The following TMEM135 variants were observed in gnomAD, a reference collection of about 807,000 sequenced individuals.
The protein encoded by TMEM135 is transmembrane protein 135.
In TMEM135, 30 loss-of-function variants were observed where a neutral mutation model predicts 60.3. That is an observed-to-expected ratio of 0.50 (90% confidence interval 0.37 to 0.68). The LOEUF is 0.68. Among genes scored for constraint, TMEM135 ranks in the 30% least tolerant of loss-of-function variants. The pLI is 0.00. For missense variants in TMEM135, 468 were observed against 548.8 expected, an observed-to-expected ratio of 0.85 and a Z score of 1.47; for synonymous variants, 190 against 186.7, an observed-to-expected ratio of 1.02 and a Z score of -0.14.
At chr11:87,171,447 G>T (rs1016283984) in intron 5 of TMEM135, among the ~76,000 whole-genome samples, 1 of 151,970 alleles carries the variant, frequency 6.6e-6, no homozygotes, top group Non-Finnish European at 1.5e-5. Context: ...CCCAACTGGA[G>T]TAGCCAGTGT....
chr11:87,142,258 A>G (rs1591051431), intron 4 of TMEM135, among the ~76,000 whole-genome samples: 1 of 152,260 alleles, frequency 6.6e-6, no homozygotes, highest in African/African-American at 2.4e-5. Context: ...CTAGGGGTGC[A>G]GCTGAAGCTA....
intron 5 of TMEM135, among the ~76,000 whole-genome samples, chr11:87,215,278 T>A (rs1020118637): frequency 6.6e-6 from 1 of 152,214 alleles, no homozygotes; most frequent in Admixed American, 6.5e-5. Context: ...AGTTACTTAT[T>A]ATCTATTACC....
chr11:87,197,175 T>C (rs940795265), intron 5 of TMEM135, among the ~76,000 whole-genome samples: 2 of 152,126 alleles, frequency 1.3e-5, no homozygotes, highest in Non-Finnish European at 2.9e-5. Context: ...AAATATTTTC[T>C]AAGGCTAAGA....
In TMEM135 at chr11:87,167,882, T is replaced by C. The variant is rs567902328; in HGVS notation, c.462+10476T>C. Among the ~76,000 whole-genome samples, 22 of 152,300 alleles carry C rather than the reference T, an allele frequency of 1.4e-4. No individual in the cohort carries two copies. The East Asian group carries it at 2.3e-3, about 16-fold the overall frequency. On this transcript the variant is annotated intron_variant, in intron 5 of 14. Coordinates refer to ENST00000305494, the MANE Select transcript of TMEM135 (RefSeq NM_022918.4). ...TTCATCAGAATAGTTTCAGAAGGAA[T>C]AGTACGAGCTCCTCTTTGTACCTCT...
intron 5 of TMEM135, among the ~76,000 whole-genome samples, chr11:87,229,766 C>G (rs1440186599): frequency 6.6e-6 from 1 of 152,030 alleles, no homozygotes; most frequent in Non-Finnish European, 1.5e-5. Context: ...AAGACAATGT[C>G]TTTATTTGAT....
intron 6 of TMEM135, among the ~76,000 whole-genome samples, chr11:87,265,720 C>G (rs953930727): frequency 6.6e-6 from 1 of 151,988 alleles, no homozygotes; most frequent in Non-Finnish European, 1.5e-5. Context: ...GTATAGGATG[C>G]CAAATTATCT....
intron 6 of TMEM135, among the ~76,000 whole-genome samples, chr11:87,277,804 G>A (rs1422024722): frequency 6.6e-6 from 1 of 152,106 alleles, no homozygotes; most frequent in African/African-American, 2.4e-5. Context: ...TTACAGGCGT[G>A]AGCCACCATG....
At chr11:87,077,836 G>C (rs1393562404) in intron 3 of TMEM135, among the ~76,000 whole-genome samples, 1 of 152,094 alleles carries the variant, frequency 6.6e-6, no homozygotes, top group African/African-American at 2.4e-5. Context: ...TTATATAATG[G>C]AGTCATACAA....
intron 4 of TMEM135, among the ~76,000 whole-genome samples, chr11:87,144,709 A>AGTGTGTGTGTGTGT (rs4014711): frequency 6.1e-5 from 9 of 147,132 alleles, no homozygotes; most frequent in South Asian, 2.2e-4. Context: ...TGTGTGTGAA[A>AGTGTGTGTGTGTGT]GTGTGTGTGT....
rs1046527601 is a variant in TMEM135 at position 87,325,682 on chromosome 11, A to G, written c.*4349A>G. On this transcript the variant is annotated 3_prime_UTR_variant, in exon 15 of 15. Transcript: ENST00000305494. ...ATCATAACGGTGATAACAATGGAGT[A>G]AACATTTCCAGAGACACTGATTTTT... 4.4e-6 allele frequency: 2 copies of G among 450,822 alleles called. No homozygotes were observed. The highest frequency in any genetic ancestry group is 4.7e-5 in the Admixed American group (2 of 42,202). The allele number at this position is 450,822 out of a possible 1,614,324, so 27.9% of individuals were successfully genotyped here.
intron 6 of TMEM135, among the ~76,000 whole-genome samples, chr11:87,247,076 G>A (rs1941296092): frequency 1.3e-5 from 2 of 148,192 alleles, no homozygotes; most frequent in South Asian, 2.2e-4. Flanking sequence ...TAACAGACAG[G>A]ACGCTCAGCT....
intron 5 of TMEM135, among the ~76,000 whole-genome samples, chr11:87,210,111 T>G (rs1045506620): frequency 6.6e-6 from 1 of 151,982 alleles, no homozygotes; most frequent in Admixed American, 6.6e-5. Context: ...CTAGAGGAAC[T>G]AGGAAAACAA....
At chr11:87,090,216 T>C (rs571463212) in intron 3 of TMEM135, among the ~76,000 whole-genome samples, 1 of 152,126 alleles carries the variant, frequency 6.6e-6, no homozygotes, top group Non-Finnish European at 1.5e-5. Context: ...AAATTTTTTC[T>C]TTAATAATTT....
At chr11:87,294,365 G>A (rs909350326) in intron 6 of TMEM135, among the ~76,000 whole-genome samples, 1 of 152,060 alleles carries the variant, frequency 6.6e-6, no homozygotes, top group Non-Finnish European at 1.5e-5. Flanking sequence ...AGGAATAATT[G>A]CCCTGTTATA....
intron 12 of TMEM135, 70 bp downstream of exon 12, chr11:87,314,617 G>A (rs1942695200): frequency 1.9e-5 from 24 of 1,239,658 alleles, no homozygotes; most frequent in Non-Finnish European, 2.7e-5. Flanking sequence ...TGTTTTAGCA[G>A]CAAATGTATA....
chr11:87,086,427 C>T lies in TMEM135; in HGVS notation c.363-4935C>T, dbSNP rs117034256. Among the ~76,000 whole-genome samples the T allele has an allele frequency of 1.6e-4, 24 of 152,168 alleles. No homozygotes were observed. The South Asian group carries it at 1.7e-3, about 11-fold the overall frequency. ...TTTGGCAGTTTCCAGGCTCTTGTTC[C>T]GTGTCCAAGAAGAATTAGGATATGC... On this transcript the variant is annotated intron_variant, in intron 3 of 14. Coordinates refer to ENST00000305494, the MANE Select transcript of TMEM135 (RefSeq NM_022918.4).
intron 4 of TMEM135, among the ~76,000 whole-genome samples, chr11:87,100,321 T>C (rs1337709635): frequency 1.3e-5 from 2 of 152,200 alleles, no homozygotes; most frequent in Non-Finnish European, 2.9e-5. Context: ...TCTTCCTTTT[T>C]ATCTAAACAG....
In TMEM135 at chr11:87,138,207, C is replaced by T. The variant is rs571164902; in HGVS notation, c.397-19134C>T. On this transcript the variant is annotated intron_variant, in intron 4 of 14. Transcript: ENST00000305494. The stretch of plus-strand genomic sequence containing the variant: ...CTGGGTTCAAGTGATTCTCCTGCCT[C>T]AGCCTTCCAAGTAGCTGGGATTACA... Among the ~76,000 whole-genome samples the T allele has an allele frequency of 1.6e-3, 246 of 151,932 alleles. 1 individual carries two copies. Among genetic ancestry groups the T allele is most frequent in the African/African-American group, 5.6e-3 (232 of 41,418 alleles).
intron 13 of TMEM135, 90 bp downstream of exon 13, chr11:87,318,325 T>C: frequency 1.0e-6 from 1 of 985,814 alleles, no homozygotes; most frequent in East Asian, 2.4e-5. Context: ...TCTGGGAACA[T>C]TTCTATTTAC....
Sources: gnomAD v4.1 joint callset for allele counts (sites outside exome capture counted in the v4.1 genomes callset) on GRCh38, gnomAD v4.1.1 for gene constraint, MANE v1.5 for transcripts, NCBI Gene and HGNC (gene_info 2026-07-23, HGNC 2026-07-21) for gene names.